FHIT: variants seen among roughly 807,000 people sequenced by gnomAD.
FHIT encodes fragile histidine triad diadenosine triphosphatase.
In FHIT, 19 loss-of-function variants were observed where a neutral mutation model predicts 17.9. The ratio of observed to expected loss-of-function variants is 1.06; its 90% CI spans 0.74 to 1.56. The LOEUF is 1.56. FHIT is among the 40% of genes most tolerant of loss of function. The pLI is 0.00. For synonymous variants in FHIT, 81 were observed against 69.7 expected (o/e 1.16, Z -0.81); for missense variants, 248 against 189.2 (o/e 1.31, Z -1.82).
chr3:60,851,320 G>A (rs1559770626), intron 3 of FHIT, among the ~76,000 whole-genome samples: 1 of 152,044 alleles, frequency 6.6e-6, no homozygotes. Context: ...ATCCTTCTTT[G>A]ATCAAGGATC....
At chr3:60,679,859 T>C (rs1553696364) in intron 4 of FHIT, among the ~76,000 whole-genome samples, 1 of 152,174 alleles carries the variant, frequency 6.6e-6, no homozygotes, top group Admixed American at 6.6e-5. Flanking sequence ...TGGTATTAGA[T>C]TGCATTCTTC....
intron 5 of FHIT, among the ~76,000 whole-genome samples, chr3:60,509,618 A>G (rs1389730949): frequency 6.6e-6 from 1 of 151,544 alleles, no homozygotes; most frequent in Non-Finnish European, 1.5e-5. Context: ...TATATCTGCT[A>G]TTTTGCTATT....
intron 5 of FHIT, among the ~76,000 whole-genome samples, chr3:60,365,574 A>G (rs562330966): frequency 1.3e-5 from 2 of 152,294 alleles, no homozygotes; most frequent in South Asian, 2.1e-4. Flanking sequence ...TTCAGTTCTC[A>G]TAACTCATTA....
intron 4 of FHIT, among the ~76,000 whole-genome samples, chr3:60,636,057 G>C (rs1437154972): frequency 2.0e-5 from 3 of 149,636 alleles, no homozygotes; most frequent in Non-Finnish European, 3.0e-5. Context: ...AATCAATTAA[G>C]CTTTGTACAA....
chr3:61,080,980 C>A (rs2035119316), intron 2 of FHIT, among the ~76,000 whole-genome samples: 1 of 152,144 alleles, frequency 6.6e-6, no homozygotes, highest in Admixed American at 6.5e-5. Context: ...GACTTTGTGG[C>A]CTCCCAGCTC....
chr3:60,324,698 C>T (rs1024119536), intron 5 of FHIT, among the ~76,000 whole-genome samples: 20 of 151,966 alleles, frequency 1.3e-4, no homozygotes, highest in African/African-American at 1.7e-4. Flanking sequence ...AGAACAAATG[C>T]GTCCACTATA....
chr3:61,210,453 C>T (rs2039424557), intron 1 of FHIT, among the ~76,000 whole-genome samples: 1 of 152,230 alleles, frequency 6.6e-6, no homozygotes, highest in African/African-American at 2.4e-5. Flanking sequence ...GTGGGATCCA[C>T]CCAGAGCGAG....
intron 5 of FHIT, among the ~76,000 whole-genome samples, chr3:60,070,025 G>C (rs918437027): frequency 2.6e-5 from 4 of 152,096 alleles, no homozygotes; most frequent in Admixed American, 1.3e-4. Context: ...GGCTGGTATA[G>C]GGATCCCCCC....
At chr3:61,116,045 G>A (rs1576042258) in intron 2 of FHIT, among the ~76,000 whole-genome samples, 2 of 152,076 alleles carry the variant, frequency 1.3e-5, no homozygotes, top group Admixed American at 6.6e-5. Context: ...TAAAAGGGAC[G>A]GCTGAGGAAA....
At position 60,355,715 on chromosome 3, in the gene FHIT, G is replaced by A. The variant is rs1576526879; in HGVS notation, c.103+181145C>T. On this transcript the variant is annotated intron_variant, in intron 5 of 9. Coordinates refer to ENST00000492590, the MANE Select transcript of FHIT (RefSeq NM_002012.4). ...GCAATAGGTTATTCTTCCAGTTTTT[G>A]TCACAAATTTTTTTTTAAATTTATC... Among the ~76,000 whole-genome samples the A allele has an allele frequency of 5.3e-5, 8 of 152,226 alleles. No individual in the cohort carries two copies. In the South Asian group the frequency reaches 1.7e-3, roughly 32 times the overall value.
chr3:59,789,187 T>C (rs757434084), intron 8 of FHIT, among the ~76,000 whole-genome samples: 1 of 152,186 alleles, frequency 6.6e-6, no homozygotes, highest in Non-Finnish European at 1.5e-5. Context: ...GCCAACTTTT[T>C]AAAGCCCAGA....
intron 5 of FHIT, among the ~76,000 whole-genome samples, chr3:60,435,256 G>A (rs980672207): frequency 1.3e-5 from 2 of 152,080 alleles, no homozygotes; most frequent in Non-Finnish European, 2.9e-5. Context: ...AATAGAAAAA[G>A]TATGCAAATA....
chr3:60,499,832 G>C (rs566165474), intron 5 of FHIT, among the ~76,000 whole-genome samples: 144 of 152,240 alleles, frequency 9.5e-4, no homozygotes, highest in African/African-American at 2.8e-3. Flanking sequence ...CACCGGCAAA[G>C]AGAAGACTTC....
At chr3:60,546,148 G>A (rs1318006467) in intron 4 of FHIT, among the ~76,000 whole-genome samples, 1 of 151,860 alleles carries the variant, frequency 6.6e-6, no homozygotes, top group Non-Finnish European at 1.5e-5. Flanking sequence ...ATCCATTAAA[G>A]AATCTGCTGG....
chr3:61,172,969 T>A (rs1303708396), intron 2 of FHIT, among the ~76,000 whole-genome samples: 1 of 152,114 alleles, frequency 6.6e-6, no homozygotes, highest in Non-Finnish European at 1.5e-5. Context: ...AAGTGAGCCT[T>A]TACCCCTCCA....
chr3:60,438,850 C>T (rs1321983150), intron 5 of FHIT, among the ~76,000 whole-genome samples: 1 of 152,096 alleles, frequency 6.6e-6, no homozygotes, highest in African/African-American at 2.4e-5. Context: ...AGACTACCTT[C>T]TAGAACACTG....
intron 4 of FHIT, among the ~76,000 whole-genome samples, chr3:60,564,685 CGTGACT>C (rs1239253680): frequency 2.0e-5 from 3 of 152,094 alleles, no homozygotes; most frequent in Non-Finnish European, 4.4e-5. Context: ...AGCCTGAAGA[CGTGACT>C]GTATTGCTGT....
At chr3:61,118,615 T>C (rs2036368843) in intron 2 of FHIT, among the ~76,000 whole-genome samples, 3 of 152,178 alleles carry the variant, frequency 2.0e-5, no homozygotes, top group Admixed American at 2.0e-4. Flanking sequence ...GGCTCCAGAT[T>C]ACCTGGGCTC....
At chr3:60,343,080 G>A (rs923356165) in intron 5 of FHIT, among the ~76,000 whole-genome samples, 1 of 151,970 alleles carries the variant, frequency 6.6e-6, no homozygotes. Context: ...TGCATATCCT[G>A]GTTTTTAATA....
Sources: gnomAD v4.1 joint callset for allele counts (sites outside exome capture counted in the v4.1 genomes callset) on GRCh38, gnomAD v4.1.1 for gene constraint, MANE v1.5 for transcripts, NCBI Gene and HGNC (gene_info 2026-07-23, HGNC 2026-07-21) for gene names.